The following SMARCA5 variants were observed in gnomAD, a reference collection of about 807,000 sequenced individuals.
SMARCA5 encodes SWI/SNF-related matrix-associated actin-dependent regulator of chromatin subfamily A member 5.
Under a neutral mutation model 140.4 loss-of-function variants are expected in SMARCA5, and 18 were observed. That is an observed-to-expected ratio of 0.13 (90% CI 0.09 to 0.19). The LOEUF is 0.19. SMARCA5 is among the 10% of genes least tolerant of loss of function. The probability of loss-of-function intolerance (pLI) is 1.00; values close to 1 mark genes in which losing one functional copy is unlikely to be tolerated. For synonymous variants in SMARCA5, 449 were observed against 419.6 expected, an observed-to-expected ratio of 1.07 and a Z score of -0.86; for missense variants, 606 against 1,276.8, an observed-to-expected ratio of 0.47 and a Z score of 8.01.
chr4:143,543,763 C>T, intron 15 of SMARCA5, 90 bp from the exon 16 acceptor site: 1 of 1,511,608 alleles, frequency 6.6e-7, no homozygotes, highest in South Asian at 1.2e-5. Context: ...TAAAGAGAAG[C>T]TTTTGTGTAC....
chr4:143,524,766 A>T (rs1737033109), intron 4 of SMARCA5, among the ~76,000 whole-genome samples: 1 of 152,234 alleles, frequency 6.6e-6, no homozygotes, highest in Non-Finnish European at 1.5e-5. Context: ...TTTATTTTAA[A>T]AAAGGTACTT....
chr4:143,529,487 G>A (rs956186117), intron 8 of SMARCA5, among the ~76,000 whole-genome samples: 9 of 152,166 alleles, frequency 5.9e-5, no homozygotes, highest in Admixed American at 2.0e-4. Context: ...CAAACAAATA[G>A]AACCTAATCT....
Position 143,546,773 on chromosome 4 carries a change from A to G in SMARCA5, c.2521-3A>G. The G allele has an allele frequency of 6.2e-7, 1 of 1,604,912 alleles. No individual in the cohort carries two copies. The highest frequency in any genetic ancestry group is 1.1e-5 in the South Asian group (1 of 89,356). The stretch of plus-strand genomic sequence containing the variant: ...TAAATATTTTGTTTCTGTTCCTGTG[A>G]AGGGATTTACCAATTGGAATAAGAG... On this transcript the variant is annotated splice_polypyrimidine_tract_variant and splice_region_variant and intron_variant, in intron 19 of 23. Transcript: ENST00000283131.
chr4:143,528,226 C>G (rs1036589650), intron 7 of SMARCA5, among the ~76,000 whole-genome samples: 1 of 152,152 alleles, frequency 6.6e-6, no homozygotes, highest in Non-Finnish European at 1.5e-5. Flanking sequence ...TGTCCTAATG[C>G]TCTCCCTCTG....
chr4:143,550,208 C>T, intron 23 of SMARCA5, 104 bp downstream of exon 23: 1 of 579,044 alleles, frequency 1.7e-6, no homozygotes, highest in East Asian at 3.7e-5. Flanking sequence ...CTGTTGTGCA[C>T]CCCTCCATTG....
At chr4:143,529,888 A>G (rs1205220204) in intron 8 of SMARCA5, among the ~76,000 whole-genome samples, 1 of 152,156 alleles carries the variant, frequency 6.6e-6, no homozygotes, top group African/African-American at 2.4e-5. Flanking sequence ...CTACATTGAC[A>G]CTTTCATTTA....
chr4:143,540,805 G>A (rs1737412239), intron 14 of SMARCA5, among the ~76,000 whole-genome samples: 1 of 152,070 alleles, frequency 6.6e-6, no homozygotes, highest in Non-Finnish European at 1.5e-5. Context: ...AGGATTAAAG[G>A]GGATAATGTA....
chr4:143,544,618 A>G (rs1211622788), intron 16 of SMARCA5, 119 bp from the exon 17 acceptor site: 6 of 620,178 alleles, frequency 9.7e-6, no homozygotes, highest in East Asian at 2.7e-5. Flanking sequence ...CTCCACCCTC[A>G]TAGAGCTTAT....
intron 11 of SMARCA5, among the ~76,000 whole-genome samples, chr4:143,538,015 A>AT (rs1737350200): frequency 6.6e-6 from 1 of 152,108 alleles, no homozygotes; most frequent in Non-Finnish European, 1.5e-5. Flanking sequence ...GGATCATTTC[A>AT]TAATCATTAC....
Position 143,547,909 on chromosome 4 carries a change from T to C in SMARCA5, c.2773-19T>C. On this transcript the variant is annotated intron_variant, in intron 21 of 23. Coordinates refer to ENST00000283131, the MANE Select transcript of SMARCA5 (RefSeq NM_003601.4). ...TATAGGATTTGTATTTTATATAATA[T>C]AAAATCTGACTTTCATAGATTGGAC... The C allele has an allele frequency of 7.2e-7, 1 of 1,395,696 alleles. No homozygotes were observed. The highest frequency in any genetic ancestry group is 9.8e-7 in the Non-Finnish European group (1 of 1,017,006). The allele number at this position is 1,395,696 out of a possible 1,614,324, so 86.5% of individuals were successfully genotyped here. A position where few individuals can be genotyped will look rare whatever the true frequency, so the allele number is the denominator to read the frequency against.
At chr4:143,542,747 T>C (rs1161967719) in intron 14 of SMARCA5, among the ~76,000 whole-genome samples, 1 of 152,188 alleles carries the variant, frequency 6.6e-6, no homozygotes, top group Admixed American at 6.6e-5. Context: ...TTTGAAAAAT[T>C]ACAAGGTTGT....
chr4:143,520,638 T>G (rs1736937891), intron 2 of SMARCA5, among the ~76,000 whole-genome samples: 2 of 152,232 alleles, frequency 1.3e-5, no homozygotes, highest in East Asian at 3.8e-4. Flanking sequence ...TAAACATTTA[T>G]AGACAGAGAT....
At chr4:143,530,331 T>A in intron 8 of SMARCA5, 127 bp from the exon 9 acceptor site, 1 of 549,576 alleles carries the variant, frequency 1.8e-6, no homozygotes, top group East Asian at 3.2e-5. Context: ...AGGATTGGAC[T>A]AAGTGATTTT....
intron 22 of SMARCA5, 130 bp from the exon 23 acceptor site, chr4:143,549,867 G>GTT (rs1223562668): frequency 3.9e-5 from 19 of 483,346 alleles, no homozygotes; most frequent in Admixed American, 1.2e-4. Flanking sequence ...AAAATCAGTT[G>GTT]TTTTTTTTTT....
Position 143,513,886 on chromosome 4 carries a change from C to T in SMARCA5, c.-39C>T, listed in dbSNP as rs1294851065. The T allele has an allele frequency of 1.3e-6, 2 of 1,531,030 alleles. No homozygotes were observed. Among genetic ancestry groups the T allele is most frequent in the South Asian group, 1.2e-5 (1 of 83,624 alleles). 94.8% of individuals were successfully genotyped at this position (1,531,030 alleles called of 1,614,324 possible). A position where few individuals can be genotyped will look rare whatever the true frequency, so the allele number is the denominator to read the frequency against. ...CCTCCCCGTCCATCCCCGCCGGACT[C>T]GGGCCTCTGGCAGCAGCGGGTGACG... is the stretch of plus-strand genomic sequence containing the variant. On this transcript the variant is annotated 5_prime_UTR_variant, in exon 1 of 24. Transcript: ENST00000283131.
rs572684835 is a variant in SMARCA5 at position 143,553,401 on chromosome 4, G to C, written c.*217G>C. ...CATTAACACTTGAAGTAATAAAATA[G>C]GCTTCATTTATTACTAAGTGTTTCA... is the stretch of plus-strand genomic sequence containing the variant. On this transcript the variant is annotated 3_prime_UTR_variant, in exon 24 of 24. Transcript: ENST00000283131. 1 of 421,328 alleles carries C rather than the reference G, an allele frequency of 2.4e-6. No individual in the cohort carries two copies. Among genetic ancestry groups the C allele is most frequent in the South Asian group, 5.5e-5 (1 of 18,062 alleles). 26.1% of individuals were successfully genotyped at this position (421,328 alleles called of 1,614,324 possible).
rs200963449 is a variant in SMARCA5 at position 143,555,569 on chromosome 4, CT to C, written c.*2398del. On this transcript the variant is annotated 3_prime_UTR_variant, in exon 24 of 24. Transcript: ENST00000283131. ...TCTGATCATGATACTGAATAAATGT[CT>C]TTTTTTTTTTTTAACAACAAAGCAT... 25,712 of 241,634 alleles carry C rather than the reference CT, an allele frequency of 0.11. 6 individuals carry two copies. The highest frequency in any genetic ancestry group is 0.2 in the South Asian group (4,001 of 20,122). 15.0% of individuals were successfully genotyped at this position (241,634 alleles called of 1,614,324 possible). A position where few individuals can be genotyped will look rare whatever the true frequency, so the allele number is the denominator to read the frequency against.
chr4:143,524,406 G>A lies in SMARCA5; in HGVS notation c.459G>A (p.Glu153=), dbSNP rs1737026273. 10 of 1,613,176 alleles carry A rather than the reference G, an allele frequency of 6.2e-6. No individual in the cohort carries two copies. Among genetic ancestry groups the A allele is most frequent in the Non-Finnish European group, 8.5e-6 (10 of 1,179,500 alleles). ...GAACAGAGCAAGAGGAGGATGAAGA[G>A]CTATTAACAGAAAGCTCCAAAGCAA... ...HRRTEQEEDE[E]LLTESSKATN... The change falls in exon 4 of 24, where the codon GAG becomes GAA. Residue 153 remains glutamate, a synonymous_variant. Coordinates refer to ENST00000283131, the MANE Select transcript of SMARCA5 (RefSeq NM_003601.4).
chr4:143,527,521 AC>A (rs1391265219), intron 6 of SMARCA5, among the ~76,000 whole-genome samples: 1 of 151,870 alleles, frequency 6.6e-6, no homozygotes, highest in African/African-American at 2.4e-5. Context: ...CTATCTTTCC[AC>A]CCTCTTCCTT....
Sources: gnomAD v4.1 joint callset for allele counts (sites outside exome capture counted in the v4.1 genomes callset) on GRCh38, gnomAD v4.1.1 for gene constraint, MANE v1.5 for transcripts, NCBI Gene and HGNC (gene_info 2026-07-23, HGNC 2026-07-21) for gene names.